The following PHF14 variants were observed in gnomAD, a reference collection of about 807,000 sequenced individuals.
PHF14 encodes PHD finger protein 14.
PHF14 carries 55 observed loss-of-function variants against 117.9 expected under a neutral mutation model. The observed-to-expected ratio is 0.47, with a 90% CI of 0.38 to 0.58. The LOEUF (loss-of-function observed/expected upper bound fraction) is 0.58. Among genes scored for constraint, PHF14 ranks in the 20% least tolerant of loss-of-function variants. The pLI is 0.00. For missense variants in PHF14, 978 were observed against 1,122.2 expected, an observed-to-expected ratio of 0.87 and a Z score of 1.84; for synonymous variants, 409 against 368.6, an observed-to-expected ratio of 1.11 and a Z score of -1.26.
intron 16 of PHF14, 174 bp from the exon 17 acceptor site, chr7:11,111,176 T>A (rs1043079819): frequency 2.1e-6 from 1 of 475,138 alleles, no homozygotes; most frequent in African/African-American, 2.0e-5. Flanking sequence ...AACATTTATT[T>A]CAGGTTTAGT....
At chr7:11,094,548 A>G (rs1786773433) in intron 16 of PHF14, among the ~76,000 whole-genome samples, 1 of 152,188 alleles carries the variant, frequency 6.6e-6, no homozygotes, top group Admixed American at 6.5e-5. Context: ...AATCCCTTTT[A>G]CCATACAAGA....
intron 16 of PHF14, among the ~76,000 whole-genome samples, chr7:11,074,861 T>C (rs1039406912): frequency 1.3e-5 from 2 of 151,980 alleles, no homozygotes; most frequent in Admixed American, 1.3e-4. Flanking sequence ...TCTTCCTGTC[T>C]TCTTCTCAGC....
intron 14 of PHF14, among the ~76,000 whole-genome samples, chr7:11,056,851 T>C (rs941788411): frequency 4.0e-5 from 6 of 150,172 alleles, no homozygotes; most frequent in Admixed American, 2.7e-4. Flanking sequence ...AAATTTTATA[T>C]TGAAGCATTT....
Position 11,075,190 on chromosome 7 carries a change from C to T in PHF14, c.2654+13105C>T, listed in dbSNP as rs558195835. 1.8e-3 allele frequency among the ~76,000 whole-genome samples: 270 copies of T among 152,230 alleles called. 1 individual carries two copies. The highest frequency in any genetic ancestry group is 3.2e-3 in the Non-Finnish European group (215 of 68,020). Reference sequence around the variant, plus strand: ...CTGAGCTCAGGCAATCCTTCTGCCTCATCCTCCCAAAGTGCTGGGATTACA... The same window carrying T: ...CTGAGCTCAGGCAATCCTTCTGCCTTATCCTCCCAAAGTGCTGGGATTACA... On this transcript the variant is annotated intron_variant, in intron 16 of 17. Coordinates refer to ENST00000634607, the MANE Select transcript of PHF14 (RefSeq NM_001007157.2).
intron 16 of PHF14, among the ~76,000 whole-genome samples, chr7:11,091,261 A>G (rs1463254017): frequency 6.6e-6 from 1 of 152,156 alleles, no homozygotes; most frequent in African/African-American, 2.4e-5. Flanking sequence ...TGGAAAGGCA[A>G]GGAAGAAAGG....
Position 11,062,019 on chromosome 7 carries a change from A to G in PHF14, c.2588A>G (p.Lys863Arg). The G allele has an allele frequency of 1.9e-6, 3 of 1,606,298 alleles. No individual in the cohort carries two copies. The highest frequency in any genetic ancestry group is 1.1e-5 in the South Asian group (1 of 89,500). ...CAGTCTGTGTTGCAAAAGAAGCCCA[A>G]GGCTGAAGATTTAAGAACTGAATGT... ...QRQSVLQKKPKAEDLRTECAT... is the reference protein window; with the variant it reads ...QRQSVLQKKPRAEDLRTECAT... Residue 863 changes from lysine (K) to arginine (R), a missense_variant, in exon 16 of 18, where the codon AAG becomes AGG. Physicochemically the swap from Lys to Arg is conservative, Grantham distance 26. Coordinates refer to ENST00000634607, the MANE Select transcript of PHF14 (RefSeq NM_001007157.2).
intron 16 of PHF14, among the ~76,000 whole-genome samples, chr7:11,088,115 T>G (rs914907749): frequency 2.6e-5 from 4 of 152,180 alleles, no homozygotes; most frequent in African/African-American, 9.7e-5. Context: ...GATGCTCAAG[T>G]CCCTTATGTA....
intron 6 of PHF14, among the ~76,000 whole-genome samples, chr7:11,023,784 C>T (rs887924509): frequency 6.6e-6 from 1 of 151,954 alleles, no homozygotes; most frequent in East Asian, 1.9e-4. Flanking sequence ...GCTGAGATTG[C>T]GCCACGGCAC....
chr7:11,111,592 C>A, intron 17 of PHF14, 125 bp downstream of exon 17: 14 of 501,506 alleles, frequency 2.8e-5, no homozygotes, highest in Non-Finnish European at 4.3e-5. Context: ...ACCAGTACAC[C>A]TTAAGAATAT....
intron 16 of PHF14, among the ~76,000 whole-genome samples, chr7:11,097,858 G>T (rs566196417): frequency 5.9e-5 from 9 of 151,942 alleles, no homozygotes; most frequent in Non-Finnish European, 1.0e-4. Context: ...CTTTTCTCTA[G>T]CTCTGAGCTG....
intron 3 of PHF14, 128 bp from the exon 4 acceptor site, chr7:10,990,575 G>C (rs1782414613): frequency 1.7e-6 from 1 of 593,854 alleles, no homozygotes; most frequent in Admixed American, 3.2e-5. Context: ...GTTAATAAAA[G>C]AATGGAAAAT....
intron 17 of PHF14, among the ~76,000 whole-genome samples, chr7:11,151,828 C>CTA (rs907151048): frequency 6.6e-6 from 1 of 152,068 alleles, no homozygotes. Context: ...GAGAAAGCCA[C>CTA]TATATGAGTG....
At chr7:11,104,480 T>C in intron 16 of PHF14, 1 of 980,672 alleles carries the variant, frequency 1.0e-6, no homozygotes, top group Middle Eastern at 5.2e-4. Flanking sequence ...TGATGTGTGC[T>C]TAAGAAAATA....
intron 5 of PHF14, among the ~76,000 whole-genome samples, chr7:11,016,745 C>T (rs1182954302): frequency 6.6e-6 from 1 of 152,114 alleles, no homozygotes; most frequent in Non-Finnish European, 1.5e-5. Context: ...TACAAACAAT[C>T]CAGTTACCCT....
intron 16 of PHF14, among the ~76,000 whole-genome samples, chr7:11,088,054 A>G (rs1183567371): frequency 6.6e-6 from 1 of 151,966 alleles, no homozygotes; most frequent in Non-Finnish European, 1.5e-5. Context: ...TCATCCCTCC[A>G]TATCCGTGGG....
In PHF14 at chr7:11,100,126, A is replaced by G. The variant is rs546746818; in HGVS notation, c.2655-11224A>G. ...AATTAAGCATTCTGTTTCATCTGTT[A>G]CTCCTGTATCAAGGTTTTCATTTGT... On this transcript the variant is annotated intron_variant, in intron 16 of 17. Coordinates refer to ENST00000634607, the MANE Select transcript of PHF14 (RefSeq NM_001007157.2). Among the ~76,000 whole-genome samples, 9 of 152,000 alleles carry G rather than the reference A, an allele frequency of 5.9e-5. No individual in the cohort carries two copies. In the South Asian group the frequency reaches 1.9e-3, roughly 32 times the overall value.
At chr7:11,052,824 A>G (rs1359336707) in intron 14 of PHF14, among the ~76,000 whole-genome samples, 1 of 152,082 alleles carries the variant, frequency 6.6e-6, no homozygotes, top group Non-Finnish European at 1.5e-5. Flanking sequence ...TTCTCATTGC[A>G]AATTCTTTGA....
intron 4 of PHF14, among the ~76,000 whole-genome samples, chr7:10,999,569 G>GGAT: frequency 6.6e-6 from 1 of 152,208 alleles, no homozygotes; most frequent in East Asian, 1.9e-4. Flanking sequence ...TCTTAACTTA[G>GGAT]GATGAGTTCT....
chr7:11,013,948 A>T (rs148109020), intron 5 of PHF14, 42 bp downstream of exon 5: 3 of 1,401,882 alleles, frequency 2.1e-6, no homozygotes, highest in Non-Finnish European at 2.0e-6. Context: ...TTGCTTTATA[A>T]TGTGTCTGCC....
Sources: gnomAD v4.1 joint callset for allele counts (sites outside exome capture counted in the v4.1 genomes callset) on GRCh38, gnomAD v4.1.1 for gene constraint, MANE v1.5 for transcripts, NCBI Gene and HGNC (gene_info 2026-07-23, HGNC 2026-07-21) for gene names.